SEMA3A: variants seen among roughly 807,000 people sequenced by gnomAD.
The protein encoded by SEMA3A is semaphorin-3A.
SEMA3A carries 29 observed loss-of-function variants against 97.9 expected under a neutral mutation model. That is an observed-to-expected ratio of 0.30 (90% CI 0.22 to 0.40). The LOEUF (loss-of-function observed/expected upper bound fraction) is 0.40, where lower values mean the gene tolerates loss of function less well. SEMA3A is among the 10% of genes least tolerant of loss of function. The pLI is 1.00. For missense variants in SEMA3A, 763 were observed against 951.3 expected (o/e 0.80, Z 2.60); for synonymous variants, 321 against 323.7 (o/e 0.99, Z 0.09).
chr7:84,340,581 C>A (rs1213634110), intron 2 of SEMA3A, among the ~76,000 whole-genome samples: 1 of 151,910 alleles, frequency 6.6e-6, no homozygotes, highest in Non-Finnish European at 1.5e-5. Flanking sequence ...GAGTTCGAGA[C>A]CAGCCTGGCC....
At chr7:84,183,060 A>T (rs962327189) in intron 1 of SEMA3A, among the ~76,000 whole-genome samples, 8 of 152,212 alleles carry the variant, frequency 5.3e-5, no homozygotes, top group African/African-American at 1.7e-4. Flanking sequence ...GGCATTACTA[A>T]TCTGCCTCAA....
At chr7:84,354,552 A>G (rs1802512094) in intron 2 of SEMA3A, among the ~76,000 whole-genome samples, 1 of 151,722 alleles carries the variant, frequency 6.6e-6, no homozygotes, top group South Asian at 2.1e-4. Flanking sequence ...ATTAAATAAC[A>G]GTAAATAAGT....
At chr7:84,458,300 C>T (rs931338517) in intron 1 of SEMA3A, among the ~76,000 whole-genome samples, 1 of 151,844 alleles carries the variant, frequency 6.6e-6, no homozygotes, top group African/African-American at 2.4e-5. Flanking sequence ...AACATGTACA[C>T]CAGCTTTTAT....
At chr7:83,999,446 A>T (rs1790351368) in intron 12 of SEMA3A, among the ~76,000 whole-genome samples, 1 of 152,092 alleles carries the variant, frequency 6.6e-6, no homozygotes, top group Non-Finnish European at 1.5e-5. Flanking sequence ...AATAATAAAA[A>T]CCTTATTTTT....
intron 4 of SEMA3A, among the ~76,000 whole-genome samples, chr7:84,105,700 A>G (rs1185975993): frequency 1.3e-5 from 2 of 152,104 alleles, no homozygotes; most frequent in African/African-American, 2.4e-5. Flanking sequence ...CTAAATTCAT[A>G]CTTTGTTTTA....
intron 2 of SEMA3A, among the ~76,000 whole-genome samples, chr7:84,350,260 C>T (rs1802404857): frequency 1.3e-5 from 2 of 151,876 alleles, no homozygotes; most frequent in African/African-American, 4.8e-5. Context: ...TTACTGTGGC[C>T]CAACACACTT....
intron 4 of SEMA3A, among the ~76,000 whole-genome samples, chr7:84,075,339 G>A (rs34419363): frequency 0.13 from 19,041 of 149,994 alleles, 1,253 homozygotes; most frequent in South Asian, 0.15. Context: ...ATGCCAGGCT[G>A]ATTTTTTGTG....
Position 84,258,457 on chromosome 7 carries a change from T to C in SEMA3A, c.-83+48750A>G, listed in dbSNP as rs559228348. 1.4e-4 allele frequency among the ~76,000 whole-genome samples: 21 copies of C among 152,288 alleles called. No individual in the cohort carries two copies. In the South Asian group the frequency reaches 4.4e-3, roughly 32 times the overall value. ...TGACATAGTAATCCAAAGAAAGATTTATATGCTGTATTTTGAGAAGATAAT... is the reference window on the plus strand; with the variant it reads ...TGACATAGTAATCCAAAGAAAGATTCATATGCTGTATTTTGAGAAGATAAT... On this transcript the variant is annotated intron_variant, in intron 3 of 3. Transcript: ENST00000424555.
At chr7:84,066,863 T>C (rs1284568131) in intron 4 of SEMA3A, among the ~76,000 whole-genome samples, 3 of 152,138 alleles carry the variant, frequency 2.0e-5, no homozygotes, top group African/African-American at 4.8e-5. Flanking sequence ...AATTTACAGA[T>C]TGAATGCCAT....
intron 3 of SEMA3A, among the ~76,000 whole-genome samples, chr7:84,116,197 T>C (rs1331615940): frequency 6.6e-6 from 1 of 152,160 alleles, no homozygotes; most frequent in Non-Finnish European, 1.5e-5. Flanking sequence ...TGTTTTATAG[T>C]TATAATATAA....
Position 84,379,077 on chromosome 7 carries a change from G to A in SEMA3A, c.-245-7177C>T, listed in dbSNP as rs376541466. 9.1e-4 allele frequency among the ~76,000 whole-genome samples: 138 copies of A among 151,842 alleles called. 1 individual carries two copies. Among genetic ancestry groups the A allele is most frequent in the African/African-American group, 3.0e-3 (125 of 41,400 alleles). On this transcript the variant is annotated intron_variant, in intron 1 of 3. Transcript: ENST00000424555. Reference sequence around the variant, plus strand: ...TGAGTAGCTGGGACTACAGGCGCCCGCCACCACACCTGGCTAATTTTTTGT... The same window carrying A: ...TGAGTAGCTGGGACTACAGGCGCCCACCACCACACCTGGCTAATTTTTTGT...
At chr7:84,449,273 A>G (rs1437152983) in intron 1 of SEMA3A, among the ~76,000 whole-genome samples, 1 of 152,208 alleles carries the variant, frequency 6.6e-6, no homozygotes, top group Non-Finnish European at 1.5e-5. Flanking sequence ...GTATAGATGT[A>G]AAGAAAAAGT....
chr7:83,995,306 G>A (rs778039641), intron 12 of SEMA3A, among the ~76,000 whole-genome samples: 7 of 152,116 alleles, frequency 4.6e-5, no homozygotes, highest in Non-Finnish European at 7.3e-5. Context: ...GCTGTAGACC[G>A]AAGCTGTTCC....
At chr7:84,442,288 A>G (rs1000497865) in intron 1 of SEMA3A, among the ~76,000 whole-genome samples, 5 of 152,152 alleles carry the variant, frequency 3.3e-5, no homozygotes, top group Admixed American at 6.5e-5. Context: ...TTGAACACAC[A>G]ATGTATAAAG....
At chr7:83,988,860 CT>C (rs11309468) in intron 12 of SEMA3A, among the ~76,000 whole-genome samples, 44,604 of 132,460 alleles carry the variant, frequency 0.34, 7,749 homozygotes, top group East Asian at 0.8. Context: ...GGATATTCAG[CT>C]TTTTTTTTTT....
intron 15 of SEMA3A, among the ~76,000 whole-genome samples, chr7:83,971,873 G>C (rs1461626748): frequency 6.6e-6 from 1 of 152,058 alleles, no homozygotes; most frequent in Non-Finnish European, 1.5e-5. Context: ...CTTTGGTGCT[G>C]GGAAGTAATT....
At chr7:84,219,458 C>A (rs1027195815) in intron 3 of SEMA3A, among the ~76,000 whole-genome samples, 3 of 152,128 alleles carry the variant, frequency 2.0e-5, no homozygotes, top group African/African-American at 7.2e-5. Context: ...CTGGCCTCAT[C>A]ATGTATAGTC....
At chr7:84,324,284 C>G (rs764297936) in intron 2 of SEMA3A, among the ~76,000 whole-genome samples, 1 of 152,136 alleles carries the variant, frequency 6.6e-6, no homozygotes, top group Non-Finnish European at 1.5e-5. Context: ...ACCAGAGTAA[C>G]CTATTGGAGC....
intron 3 of SEMA3A, among the ~76,000 whole-genome samples, chr7:84,208,266 C>A (rs1212323693): frequency 6.6e-6 from 1 of 152,034 alleles, no homozygotes; most frequent in Non-Finnish European, 1.5e-5. Context: ...TCCTGGCTAA[C>A]ATGGTGAAAC....
Sources: allele counts gnomAD v4.1 joint callset (sites outside exome capture counted in the v4.1 genomes callset), GRCh38; gene constraint gnomAD v4.1.1; transcripts MANE v1.5; gene names NCBI Gene and HGNC (gene_info 2026-07-23, HGNC 2026-07-21).